TMPRSS2: variants seen among roughly 807,000 people sequenced by gnomAD.
TMPRSS2 encodes transmembrane serine protease 2.
TMPRSS2 carries 59 observed loss-of-function variants against 67.4 expected under a neutral mutation model. The ratio of observed to expected loss-of-function variants is 0.88; its 90% CI spans 0.71 to 1.09. The LOEUF (loss-of-function observed/expected upper bound fraction) is 1.09. Ranked by LOEUF, TMPRSS2 falls within the 50% of genes least tolerant of loss-of-function variation. The probability of loss-of-function intolerance (pLI) is 0.00; values close to 1 mark genes in which losing one functional copy is unlikely to be tolerated. For missense variants in TMPRSS2, 668 were observed against 642.7 expected, an observed-to-expected ratio of 1.04 and a Z score of -0.43; for synonymous variants, 257 against 257.0, an observed-to-expected ratio of 1.00 and a Z score of 0.00.
Position 41,491,081 on chromosome 21 carries a change from T to C in TMPRSS2, c.239-1488A>G, listed in dbSNP as rs187208295. Among the ~76,000 whole-genome samples, 79 of 151,912 alleles carry C rather than the reference T, an allele frequency of 5.2e-4. No homozygotes were observed. The East Asian group carries it at 0.014, about 26-fold the overall frequency. ...AACTGTTACAGGCTTAAGAATTACC[T>C]GGGGAATGTGGTGGTTCCCATCACC... On this transcript the variant is annotated intron_variant, in intron 3 of 13. Coordinates refer to ENST00000332149, the MANE Select transcript of TMPRSS2 (RefSeq NM_005656.4).
At position 41,466,073 on chromosome 21, in the gene TMPRSS2, T is replaced by C; in HGVS notation, c.*69A>G. ...CTGAATCATCTCTAAGAGTAAATCA[T>C]GCACGGGGAAGCAAAACCAGCCCCA... On this transcript the variant is annotated 3_prime_UTR_variant, in exon 14 of 14. Coordinates refer to ENST00000332149, the MANE Select transcript of TMPRSS2 (RefSeq NM_005656.4). The C allele has an allele frequency of 6.4e-7, 1 of 1,570,004 alleles. No individual in the cohort carries two copies. The highest frequency in any genetic ancestry group is 1.1e-5 in the South Asian group (1 of 89,278).
intron 1 of TMPRSS2, among the ~76,000 whole-genome samples, chr21:41,501,680 G>A (rs918422424): frequency 6.6e-6 from 1 of 151,384 alleles, no homozygotes; most frequent in Non-Finnish European, 1.5e-5. Context: ...AACAAGGGGG[G>A]GAATGTCCCG....
Position 41,473,442 on chromosome 21 carries a change from C to G in TMPRSS2, c.782G>C (p.Ser261Thr), listed in dbSNP as rs1392368867. The G allele has an allele frequency of 1.2e-6, 2 of 1,610,332 alleles. No individual in the cohort carries two copies. Among genetic ancestry groups the G allele is most frequent in the East Asian group, 4.5e-5 (2 of 44,802 alleles). ...CCAGGGCCAGGCCCCCGGGAGCGCG[C>G]TCTCGCCGCCCACAATCCTGCTCTG... ...SRQSRIVGGE[S>T]ALPGAWPWQV... Residue 261 changes from serine to threonine, a missense_variant, in exon 9 of 14, where the codon AGC (serine) becomes ACC (threonine). Ser to Thr is a moderately conservative substitution (Grantham distance 58, BLOSUM62 1). Transcript: ENST00000332149.
At chr21:41,497,226 T>C (rs767001679) in intron 2 of TMPRSS2, among the ~76,000 whole-genome samples, 3 of 152,162 alleles carry the variant, frequency 2.0e-5, no homozygotes, top group Non-Finnish European at 4.4e-5. Context: ...GCATAGCTCT[T>C]AGAACTTTAA....
At chr21:41,477,740 T>G (rs2091225698) in intron 7 of TMPRSS2, among the ~76,000 whole-genome samples, 1 of 152,026 alleles carries the variant, frequency 6.6e-6, no homozygotes, top group South Asian at 2.1e-4. Flanking sequence ...CTAAGAATCC[T>G]AAGGTCGGTA....
intron 10 of TMPRSS2, 146 bp downstream of exon 10, chr21:41,471,660 G>A (rs999386482): frequency 1.2e-6 from 1 of 840,566 alleles, no homozygotes; most frequent in East Asian, 2.7e-5. Context: ...TAGCCTCTGT[G>A]AGCCTCTCCC....
At chr21:41,499,946 G>C (rs1264154421) in intron 1 of TMPRSS2, among the ~76,000 whole-genome samples, 2 of 152,182 alleles carry the variant, frequency 1.3e-5, no homozygotes. Context: ...CCCAATGAGG[G>C]AACAAGAACC....
Position 41,488,073 on chromosome 21 carries a change from A to T in TMPRSS2, c.445+321T>A, listed in dbSNP as rs527623581. The stretch of plus-strand genomic sequence containing the variant: ...CTCCCAAAGTGCTGGGATTACAGGC[A>T]TGAGCCACCGTTCCTAGCCTGCATC... On this transcript the variant is annotated intron_variant, in intron 5 of 13. Coordinates refer to ENST00000332149, the MANE Select transcript of TMPRSS2 (RefSeq NM_005656.4). 8.8e-5 allele frequency: 18 copies of T among 203,850 alleles called. 1 individual carries two copies. In the East Asian group the frequency reaches 1.6e-3, roughly 19 times the overall value. 12.6% of individuals were successfully genotyped at this position (203,850 alleles called of 1,614,324 possible). A position where few individuals can be genotyped will look rare whatever the true frequency, so the allele number is the denominator to read the frequency against.
intron 3 of TMPRSS2, among the ~76,000 whole-genome samples, chr21:41,491,345 C>T (rs2091334610): frequency 1.3e-5 from 2 of 151,968 alleles, no homozygotes; most frequent in Admixed American, 6.6e-5. Context: ...TGAGGTTTCA[C>T]CATGTTTCCC....
intron 5 of TMPRSS2, 145 bp downstream of exon 5, chr21:41,488,249 G>C: frequency 1.0e-6 from 1 of 994,978 alleles, no homozygotes; most frequent in Non-Finnish European, 1.4e-6. Flanking sequence ...TGAGCCCCAG[G>C]GCTCAGCCTG....
rs114027875 is a variant in TMPRSS2 at position 41,500,731 on chromosome 21, A to T, written c.-56-2542T>A. ...GGGTATAAGGAAAGGAAAGTGACTA[A>T]TGTACAGGTGGGAAGGATCACCATT... On this transcript the variant is annotated intron_variant, in intron 1 of 13. Transcript: ENST00000332149. 1.2e-3 allele frequency among the ~76,000 whole-genome samples: 186 copies of T among 152,350 alleles called. 1 individual carries two copies. The highest frequency in any genetic ancestry group is 4.2e-3 in the African/African-American group (176 of 41,578).
intron 1 of TMPRSS2, among the ~76,000 whole-genome samples, chr21:41,507,359 C>G (rs994951560): frequency 2.0e-5 from 3 of 152,148 alleles, no homozygotes; most frequent in African/African-American, 7.2e-5. Context: ...TCCTCCCGGG[C>G]GGGTTCCTGC....
chr21:41,479,337 C>T, intron 6 of TMPRSS2, 55 bp from the exon 7 acceptor site: 1 of 1,324,874 alleles, frequency 7.5e-7, no homozygotes. Flanking sequence ...AAACACAAAT[C>T]CTATACTATG....
At position 41,465,745 on chromosome 21, in the gene TMPRSS2, G is replaced by A. The variant is rs1303894600; in HGVS notation, c.*397C>T. On this transcript the variant is annotated 3_prime_UTR_variant, in exon 14 of 14. Transcript: ENST00000332149. ...GGGCAGCCGCTGCAGGTGCCACCTG[G>A]CTGTCTCCCTTTCCATGTCTCTCCT... The A allele has an allele frequency of 7.3e-6, 2 of 273,882 alleles. No homozygotes were observed. Among genetic ancestry groups the A allele is most frequent in the African/African-American group, 4.3e-5 (2 of 46,296 alleles). 17.0% of individuals were successfully genotyped at this position (273,882 alleles called of 1,614,324 possible).
intron 2 of TMPRSS2, chr21:41,494,790 G>C (rs1268790779): frequency 1.1e-5 from 7 of 640,466 alleles, no homozygotes; most frequent in Non-Finnish European, 1.6e-5. Flanking sequence ...GTACTACAAG[G>C]CTGGGTGCGG....
At chr21:41,468,373 G>A (rs747592940) in intron 12 of TMPRSS2, 23 bp downstream of exon 12, 1 of 1,613,788 alleles carries the variant, frequency 6.2e-7, no homozygotes, top group East Asian at 2.2e-5. Context: ...AGGACCAAAG[G>A]TAGAATAAAA....
intron 11 of TMPRSS2, 190 bp from the exon 12 acceptor site, chr21:41,468,728 C>A: frequency 3.4e-6 from 2 of 595,120 alleles, no homozygotes; most frequent in Non-Finnish European, 5.8e-6. Flanking sequence ...TTACAACTGG[C>A]GGTGCCTGTG....
At chr21:41,489,405 C>T (rs429442) in intron 4 of TMPRSS2, 102 bp downstream of exon 4, 214,905 of 866,504 alleles carry the variant, frequency 0.25, 27,354 homozygotes, top group Middle Eastern at 0.31. Flanking sequence ...AGGAACCTCA[C>T]GGAGGGCCTC....
At position 41,479,268 on chromosome 21, in the gene TMPRSS2, G is replaced by C. The variant is rs2146449556; in HGVS notation, c.587C>G (p.Ser196Cys). ...GCTGTCATCCACTATTCCTTGGCTA[G>C]AGTAAAAATTATTCCTAAAAAAGAA... ...RDMGYKNNFY[S>C]SQGIVDDSGS... The change falls in exon 7 of 14, where the codon TCT (serine) becomes TGT (cysteine). Residue 196 changes from serine (S) to cysteine (C), a missense_variant. Ser to Cys is a moderately radical substitution (Grantham distance 112, BLOSUM62 -1). Coordinates refer to ENST00000332149, the MANE Select transcript of TMPRSS2 (RefSeq NM_005656.4). 1.2e-6 allele frequency: 2 copies of C among 1,613,378 alleles called. No homozygotes were observed. Among genetic ancestry groups the C allele is most frequent in the South Asian group, 1.1e-5 (1 of 90,994 alleles).
Sources: allele counts gnomAD v4.1 joint callset (sites outside exome capture counted in the v4.1 genomes callset), GRCh38; gene constraint gnomAD v4.1.1; transcripts MANE v1.5; gene names NCBI Gene and HGNC (gene_info 2026-07-23, HGNC 2026-07-21).